CDK14: variants seen among roughly 807,000 people sequenced by gnomAD.
The protein encoded by CDK14 is cyclin-dependent kinase 14.
Under a neutral mutation model 60.7 loss-of-function variants are expected in CDK14, and 34 were observed. The ratio of observed to expected loss-of-function variants is 0.56; its 90% CI spans 0.43 to 0.75. CDK14 has a LOEUF of 0.75. Ranked by LOEUF, CDK14 falls within the 30% of genes least tolerant of loss-of-function variation. The pLI is 0.00. For missense variants in CDK14, 482 were observed against 564.1 expected (o/e 0.85, Z 1.47); for synonymous variants, 197 against 203.7 (o/e 0.97, Z 0.28).
At chr7:90,812,736 A>G (rs1371826666) in intron 5 of CDK14, among the ~76,000 whole-genome samples, 1 of 152,232 alleles carries the variant, frequency 6.6e-6, no homozygotes, top group African/African-American at 2.4e-5. Context: ...CACACCCAGT[A>G]TAACGGTTAT....
At chr7:90,740,407 A>G (rs1473531776) in intron 3 of CDK14, among the ~76,000 whole-genome samples, 1 of 152,076 alleles carries the variant, frequency 6.6e-6, no homozygotes, top group African/African-American at 2.4e-5. Context: ...GTTTGAAGGT[A>G]AGGTTTTTAA....
At chr7:90,823,112 C>G (rs571558052) in intron 5 of CDK14, among the ~76,000 whole-genome samples, 1 of 152,136 alleles carries the variant, frequency 6.6e-6, no homozygotes, top group African/African-American at 2.4e-5. Flanking sequence ...TGTGTCCACC[C>G]TCTTTATGGT....
intron 14 of CDK14, among the ~76,000 whole-genome samples, chr7:91,179,117 A>C (rs924318820): frequency 6.6e-6 from 1 of 152,116 alleles, no homozygotes; most frequent in South Asian, 2.1e-4. Context: ...CCATGGAACA[A>C]TGATAGACTG....
chr7:91,023,791 G>C (rs1415684471), intron 10 of CDK14, among the ~76,000 whole-genome samples: 2 of 151,968 alleles, frequency 1.3e-5, no homozygotes, highest in African/African-American at 4.8e-5. Flanking sequence ...TTTTGAGATG[G>C]AGTCTCACCT....
chr7:91,099,787 G>C (rs535354367), intron 12 of CDK14, among the ~76,000 whole-genome samples: 1 of 152,224 alleles, frequency 6.6e-6, no homozygotes, highest in East Asian at 1.9e-4. Flanking sequence ...TGAAGGTCTA[G>C]TGCTTATTAT....
chr7:90,722,035 G>C (rs769671069), intron 2 of CDK14, among the ~76,000 whole-genome samples: 1 of 152,022 alleles, frequency 6.6e-6, no homozygotes, highest in Non-Finnish European at 1.5e-5. Context: ...GACCCAGGCT[G>C]CTCGCTTTTC....
At chr7:90,792,936 G>A (rs1805894112) in intron 5 of CDK14, among the ~76,000 whole-genome samples, 1 of 152,156 alleles carries the variant, frequency 6.6e-6, no homozygotes, top group African/African-American at 2.4e-5. Flanking sequence ...GCTCTTTTTA[G>A]ATTTAGGGGT....
At chr7:91,102,764 A>C (rs1034582235) in intron 12 of CDK14, among the ~76,000 whole-genome samples, 1 of 151,560 alleles carries the variant, frequency 6.6e-6, no homozygotes, top group African/African-American at 2.4e-5. Context: ...CTTCCGGGGG[A>C]TGTATAGTTT....
chr7:91,010,429 TATCTC>T (rs1431747006), intron 10 of CDK14, among the ~76,000 whole-genome samples: 5 of 152,146 alleles, frequency 3.3e-5, no homozygotes, highest in Non-Finnish European at 7.4e-5. Context: ...TATTCTATAA[TATCTC>T]AGCAGTGTTT....
chr7:90,886,376 A>G (rs927809850), intron 6 of CDK14, among the ~76,000 whole-genome samples: 1 of 152,198 alleles, frequency 6.6e-6, no homozygotes, highest in Admixed American at 6.5e-5. Context: ...ATTTTACCCA[A>G]AATTCTCAAG....
chr7:90,598,865 T>C (rs889130993), intron 1 of CDK14, among the ~76,000 whole-genome samples: 28 of 150,264 alleles, frequency 1.9e-4, no homozygotes, highest in African/African-American at 5.4e-4. Context: ...CCACTACGCC[T>C]GGCTAATTTT....
At chr7:90,709,769 G>T (rs1394083735) in intron 2 of CDK14, 13 of 1,397,856 alleles carry the variant, frequency 9.3e-6, no homozygotes, top group South Asian at 5.0e-5. Flanking sequence ...GGATTTCTGG[G>T]CTTTTTTTTT....
chr7:90,988,497 T>G (rs956704436), intron 10 of CDK14, among the ~76,000 whole-genome samples: 3 of 152,210 alleles, frequency 2.0e-5, no homozygotes, highest in African/African-American at 7.2e-5. Context: ...GTGTATTCTA[T>G]TCACCTCCAT....
intron 5 of CDK14, among the ~76,000 whole-genome samples, chr7:90,862,405 T>C (rs1373569530): frequency 1.3e-5 from 2 of 152,150 alleles, no homozygotes; most frequent in African/African-American, 4.8e-5. Flanking sequence ...AGAAATTTAC[T>C]AGGAGTAAAG....
chr7:90,601,395 C>T (rs570132533), intron 1 of CDK14, among the ~76,000 whole-genome samples: 93 of 152,302 alleles, frequency 6.1e-4, no homozygotes, highest in African/African-American at 1.9e-3. Flanking sequence ...AACTGCTGTT[C>T]AGGACAAGGA....
intron 11 of CDK14, among the ~76,000 whole-genome samples, chr7:91,072,180 T>C (rs1001851930): frequency 8.1e-4 from 124 of 152,212 alleles, no homozygotes; most frequent in African/African-American, 2.9e-3. Context: ...AGTGCTTCAT[T>C]AAATGGGTCC....
chr7:90,784,660 AG>A lies in CDK14; in HGVS notation c.465-5912del, dbSNP rs1307446972. On this transcript the variant is annotated intron_variant, in intron 4 of 14. Coordinates refer to ENST00000380050, the MANE Select transcript of CDK14 (RefSeq NM_001287135.2). ...ATTATGACAAGGTGTAATTACTGAC[AG>A]TTTACCTTGAAATTTTAATTTATTT... 5.9e-5 allele frequency among the ~76,000 whole-genome samples: 9 copies of A among 152,300 alleles called. No homozygotes were observed. In the East Asian group the frequency reaches 1.7e-3, roughly 29 times the overall value.
intron 2 of CDK14, among the ~76,000 whole-genome samples, chr7:90,618,456 T>C (rs1563017656): frequency 6.6e-6 from 1 of 152,208 alleles, no homozygotes; most frequent in Non-Finnish European, 1.5e-5. Context: ...ACCTTGCTTT[T>C]GGTGGTTTAG....
intron 5 of CDK14, among the ~76,000 whole-genome samples, chr7:90,801,304 T>G: frequency 6.6e-6 from 1 of 152,240 alleles, no homozygotes; most frequent in East Asian, 1.9e-4. Flanking sequence ...AATGAATGAA[T>G]ATAGATAACT....
Sources: allele counts gnomAD v4.1 joint callset (sites outside exome capture counted in the v4.1 genomes callset), GRCh38; gene constraint gnomAD v4.1.1; transcripts MANE v1.5; gene names NCBI Gene and HGNC (gene_info 2026-07-23, HGNC 2026-07-21).